ADAMTSL2: variants seen among roughly 807,000 people sequenced by gnomAD.
ADAMTSL2 encodes the protein ADAMTS like 2.
In ADAMTSL2, 55 loss-of-function variants were observed where a neutral mutation model predicts 117.0. The ratio of observed to expected loss-of-function variants is 0.47; its 90% confidence interval spans 0.38 to 0.59. The LOEUF is 0.59. ADAMTSL2 is among the 20% of genes least tolerant of loss of function. ADAMTSL2 has a pLI of 0.00. For missense variants in ADAMTSL2, 1,182 were observed against 1,354.5 expected (o/e 0.87, Z 2.00); for synonymous variants, 572 against 566.4 (o/e 1.01, Z -0.14).
chr9:133,540,347 A>G (rs552262485), intron 5 of ADAMTSL2, among the ~76,000 whole-genome samples: 1 of 152,172 alleles, frequency 6.6e-6, no homozygotes, highest in South Asian at 2.1e-4. Flanking sequence ...CAGAGGGGGA[A>G]CCCCAGTATG....
At position 133,540,720 on chromosome 9, in the gene ADAMTSL2, GT is replaced by G. The variant is rs2131101239; in HGVS notation, c.538del (p.Cys180AlafsTer37). On this transcript the variant is annotated frameshift_variant, in exon 6 of 19. Transcript: ENST00000651351. LOFTEE classifies it high-confidence loss of function. ...CTGCAAGCTCACTGACCTGCGAGGG[GT>G]TTGCGTGTCTGGAAAATGTGAGGTT... Reference protein sequence around the residue: ...TSCKLTDLRGVCVSGKCEPIG... With the variant: ...TSCKLTDLRGXCVSGKCEPIG... The G allele has an allele frequency of 6.2e-7, 1 of 1,613,910 alleles. No homozygotes were observed.
chr9:133,544,534 G>T lies in ADAMTSL2; in HGVS notation c.747G>T (p.Lys249Asn). ...ARDIQIVERK[K>N]SADVLALADE... ...ACATCCAGATTGTAGAGAGGAAGAA[G>T]TCCGCTGACGTGCTAGGTGGGTACG... Residue 249 changes from lysine (K) to asparagine (N), a missense_variant, in exon 8 of 19, where the codon AAG (lysine) becomes AAT (asparagine). Around this residue, in one of 3 missense-constraint regions of ADAMTSL2, gnomAD observed 372 missense variants for 463.4 expected, o/e 0.80. Coordinates refer to ENST00000651351, the MANE Select transcript of ADAMTSL2 (RefSeq NM_014694.4). 1 of 1,614,160 alleles carries T rather than the reference G, an allele frequency of 6.2e-7. No homozygotes were observed. The highest frequency in any genetic ancestry group is 1.1e-5 in the South Asian group (1 of 91,086).
chr9:133,554,743 G>C lies in ADAMTSL2; in HGVS notation c.1276+50G>C. The C allele has an allele frequency of 7.0e-7, 1 of 1,425,342 alleles. No individual in the cohort carries two copies. Among genetic ancestry groups the C allele is most frequent in the Non-Finnish European group, 9.3e-7 (1 of 1,078,056 alleles). The allele number at this position is 1,425,342 out of a possible 1,614,324, so 88.3% of individuals were successfully genotyped here. On this transcript the variant is annotated intron_variant, in intron 10 of 18. Coordinates refer to ENST00000651351, the MANE Select transcript of ADAMTSL2 (RefSeq NM_014694.4). This position sits in a 1 kb window ranked among gnomAD's most constrained non-coding sequence, Gnocchi z 5.2. ...GGGTGGGGCCCGGGAGGCAGCCCAGGGAAGGGGGCCTTGGGGAAGGGGTCT... is the reference window on the plus strand; with the variant it reads ...GGGTGGGGCCCGGGAGGCAGCCCAGCGAAGGGGGCCTTGGGGAAGGGGTCT...
chr9:133,540,952 C>G lies in ADAMTSL2; in HGVS notation c.633C>G (p.Ser211Arg). 6.2e-7 allele frequency: 1 copy of G among 1,613,466 alleles called. No homozygotes were observed. The highest frequency in any genetic ancestry group is 1.1e-5 in the South Asian group (1 of 91,090). Residue 211 changes from serine to arginine, a missense_variant, in exon 7 of 19, where the codon AGC becomes AGG. Ser to Arg is a moderately radical substitution (Grantham distance 110). Around this residue, in one of 3 missense-constraint regions of ADAMTSL2, gnomAD observed 372 missense variants for 463.4 expected, o/e 0.80. Transcript: ENST00000651351. ...GTGGCATCTGCCAGGGGGACGGTAG[C>G]AGCTGCACCCACGTGACGGGCAACT... is the stretch of plus-strand genomic sequence containing the variant. ...DKCGICQGDG[S>R]SCTHVTGNYR...
Position 133,537,462 on chromosome 9 carries a change from TG to T in ADAMTSL2, c.154del (p.Glu52SerfsTer16). ...EGGTDATAFW[W>X]GEWTKWTACS... ...GGGCACCGACGCCACGGCCTTCTGG[TG>T]GGGGGAGTGGACCAAGTGGACGGCG... On this transcript the variant is annotated frameshift_variant, in exon 3 of 19. Transcript: ENST00000651351. LOFTEE classifies it high-confidence loss of function. The T allele has an allele frequency of 4.4e-6, 6 of 1,352,558 alleles. No individual in the cohort carries two copies. Among genetic ancestry groups the T allele is most frequent in the South Asian group, 4.7e-5 (2 of 42,556 alleles). The allele number at this position is 1,352,558 out of a possible 1,614,324, so 83.8% of individuals were successfully genotyped here. A position where few individuals can be genotyped will look rare whatever the true frequency, so the allele number is the denominator to read the frequency against.
chr9:133,532,806 T>A (rs1829968951), upstream of ADAMTSL2, among the ~76,000 whole-genome samples: 2 of 152,046 alleles, frequency 1.3e-5, no homozygotes, highest in South Asian at 4.2e-4. Context: ...GAAGTGTGGC[T>A]GGCCAGGGGA....
At chr9:133,538,465 C>T in intron 4 of ADAMTSL2, 41 bp downstream of exon 4, 1 of 1,607,732 alleles carries the variant, frequency 6.2e-7, no homozygotes, top group South Asian at 1.1e-5. Flanking sequence ...GCCTGCTCTC[C>T]CTGTCATCAT....
chr9:133,572,358 G>A (rs1831128051), intron 17 of ADAMTSL2, among the ~76,000 whole-genome samples: 1 of 152,204 alleles, frequency 6.6e-6, no homozygotes, highest in African/African-American at 2.4e-5. Flanking sequence ...GCCAGGGCCT[G>A]AAGGGTGAGC....
intron 9 of ADAMTSL2, among the ~76,000 whole-genome samples, chr9:133,550,869 G>C (rs1830466280): frequency 6.6e-6 from 1 of 152,114 alleles, no homozygotes; most frequent in Non-Finnish European, 1.5e-5. Flanking sequence ...TCTTCTACTG[G>C]GGTGTTTAGT....
intron 9 of ADAMTSL2, 94 bp downstream of exon 9, chr9:133,547,307 C>A: frequency 7.6e-7 from 1 of 1,310,764 alleles, no homozygotes; most frequent in Non-Finnish European, 1.1e-6. Flanking sequence ...CCGTGACGCC[C>A]CCAGGGCCAC....
At chr9:133,569,344 C>G (rs1357390219) in intron 15 of ADAMTSL2, 64 bp from the exon 16 acceptor site, 4 of 1,563,476 alleles carry the variant, frequency 2.6e-6, no homozygotes, top group Non-Finnish European at 3.5e-6. Context: ...GGACTGACAT[C>G]CAGGGCCCCT....
chr9:133,552,281 G>A (rs1277772943), intron 9 of ADAMTSL2, among the ~76,000 whole-genome samples: 11 of 152,246 alleles, frequency 7.2e-5, no homozygotes, highest in African/African-American at 2.6e-4. Flanking sequence ...GCCCTAGCCC[G>A]CGGAACCCTG....
At chr9:133,545,179 G>T (rs1041541330) in intron 8 of ADAMTSL2, among the ~76,000 whole-genome samples, 1 of 152,082 alleles carries the variant, frequency 6.6e-6, no homozygotes, top group Non-Finnish European at 1.5e-5. Flanking sequence ...TATTGGCCGA[G>T]CAGCGTGCCA....
At position 133,544,467 on chromosome 9, in the gene ADAMTSL2, C is replaced by T; in HGVS notation, c.683-3C>T. On this transcript the variant is annotated splice_region_variant and splice_polypyrimidine_tract_variant and intron_variant, in intron 7 of 18. Coordinates refer to ENST00000651351, the MANE Select transcript of ADAMTSL2 (RefSeq NM_014694.4). Reference sequence around the variant, plus strand: ...GGGCTCACTGTCATCCTTTTGCCTCCAGGTTACTCTCTGGTGACCCACATC... The same window carrying T: ...GGGCTCACTGTCATCCTTTTGCCTCTAGGTTACTCTCTGGTGACCCACATC... The T allele has an allele frequency of 1.9e-6, 3 of 1,613,596 alleles. No homozygotes were observed. Among genetic ancestry groups the T allele is most frequent in the African/African-American group, 2.7e-5 (2 of 75,046 alleles).
At chr9:133,539,264 A>G (rs1223895567) in intron 4 of ADAMTSL2, among the ~76,000 whole-genome samples, 2 of 152,190 alleles carry the variant, frequency 1.3e-5, no homozygotes, top group Non-Finnish European at 2.9e-5. Context: ...TGGCCCCGGC[A>G]CGACTAAGCT....
At position 133,574,942 on chromosome 9, in the gene ADAMTSL2, GA is replaced by G; in HGVS notation, c.*79del. The G allele has an allele frequency of 8.6e-7, 1 of 1,165,904 alleles. No individual in the cohort carries two copies. Among genetic ancestry groups the G allele is most frequent in the East Asian group, 2.4e-5 (1 of 42,286 alleles). 72.2% of individuals were successfully genotyped at this position (1,165,904 alleles called of 1,614,324 possible). On this transcript the variant is annotated 3_prime_UTR_variant, in exon 19 of 19. Transcript: ENST00000651351. ...TGCTGCAGCTTCTGGGGCCTCCACA[GA>G]CCCCCCTCCTGCGGGGCACGCTGGC...
At chr9:133,562,271 G>A (rs1363869447) in intron 12 of ADAMTSL2, among the ~76,000 whole-genome samples, 2 of 152,248 alleles carry the variant, frequency 1.3e-5, no homozygotes, top group African/African-American at 2.4e-5. Flanking sequence ...GGGCGGCCCT[G>A]CAGGCTCTGC....
chr9:133,540,507 G>A (rs1830191104), intron 5 of ADAMTSL2, 91 bp from the exon 6 acceptor site: 2 of 1,527,148 alleles, frequency 1.3e-6, no homozygotes, highest in African/African-American at 1.4e-5. Context: ...CTATGCAATG[G>A]GAGCTGTCTC....
chr9:133,535,074 G>T (rs963185369), intron 1 of ADAMTSL2, among the ~76,000 whole-genome samples, 157 bp downstream of exon 1: 41 of 152,266 alleles, frequency 2.7e-4, no homozygotes, highest in African/African-American at 9.6e-4. Flanking sequence ...AGAGCACGGG[G>T]CAGGGTGGCC....
Sources: allele counts gnomAD v4.1 joint callset (sites outside exome capture counted in the v4.1 genomes callset), GRCh38; gene constraint gnomAD v4.1.1; regional missense constraint gnomAD v4.1.1; non-coding constraint Gnocchi (gnomAD v3.1); transcripts MANE v1.5; gene names NCBI Gene and HGNC (gene_info 2026-07-23, HGNC 2026-07-21).